ITPR2: variants seen among roughly 807,000 people sequenced by gnomAD.
The protein encoded by ITPR2 is inositol 1,4,5-trisphosphate receptor type 2.
Under a neutral mutation model 317.1 loss-of-function variants are expected in ITPR2, and 207 were observed. That is an observed-to-expected ratio of 0.65 (90% CI 0.58 to 0.73). ITPR2 has a LOEUF of 0.73. Ranked by LOEUF, ITPR2 falls within the 30% of genes least tolerant of loss-of-function variation. The pLI, the probability that ITPR2 is intolerant of heterozygous loss-of-function variation, is 0.00. For missense variants in ITPR2, 2,613 were observed against 3,284.0 expected (o/e 0.80, Z 4.99); for synonymous variants, 1,156 against 1,149.1 (o/e 1.01, Z -0.12).
intron 43 of ITPR2, among the ~76,000 whole-genome samples, chr12:26,480,109 T>C (rs149315156): frequency 2.6e-5 from 4 of 152,374 alleles, no homozygotes; most frequent in Admixed American, 2.0e-4. Flanking sequence ...TAGTCTTGGA[T>C]AGACAGGGCT....
At chr12:26,656,641 G>A in intron 18 of ITPR2, 93 bp from the exon 19 acceptor site, 1 of 1,274,580 alleles carries the variant, frequency 7.8e-7, no homozygotes, top group Non-Finnish European at 1.1e-6. Flanking sequence ...TAAGACACCT[G>A]TATTTCCAAG....
intron 51 of ITPR2, among the ~76,000 whole-genome samples, chr12:26,412,006 T>C (rs1287637833): frequency 2.0e-5 from 3 of 152,188 alleles, no homozygotes; most frequent in Non-Finnish European, 4.4e-5. Flanking sequence ...GAATAGAAAA[T>C]AGTAACCCTC....
rs1945822977 is a variant in ITPR2 at position 26,595,564 on chromosome 12, A to T, written c.4281T>A (p.Val1427=). 6.3e-7 allele frequency: 1 copy of T among 1,590,868 alleles called. No homozygotes were observed. Among genetic ancestry groups the T allele is most frequent in the Non-Finnish European group, 8.5e-7 (1 of 1,173,248 alleles). The stretch of plus-strand genomic sequence containing the variant: ...CTTCAGTGTCAACATAACAGTGATT[A>T]ACAAAGTTCACATAAGCAATTTTAA... The part of the protein sequence containing the change: ...PEVKIAYVNF[V]NHCYVDTEVE... Residue 1427 remains valine (V), a synonymous_variant, in exon 32 of 57, where the codon GTT becomes GTA. Coordinates refer to ENST00000381340, the MANE Select transcript of ITPR2 (RefSeq NM_002223.4).
intron 55 of ITPR2, among the ~76,000 whole-genome samples, chr12:26,376,994 G>A (rs547162819): frequency 2.7e-4 from 41 of 152,288 alleles, no homozygotes; most frequent in African/African-American, 8.9e-4. Flanking sequence ...CTCCCAAAGT[G>A]CTGGGATTAC....
In ITPR2 at chr12:26,366,374, T is replaced by C. The variant is rs527752458; in HGVS notation, c.7857+21060A>G. ...AGTTTGATATTTTGATGTGTATAGT[T>C]ATCTGTTTTCCAGAAAGTAGCTTCA... is the stretch of plus-strand genomic sequence containing the variant. On this transcript the variant is annotated intron_variant, in intron 55 of 56. Transcript: ENST00000381340. Among the ~76,000 whole-genome samples, 5 of 152,356 alleles carry C rather than the reference T, an allele frequency of 3.3e-5. No homozygotes were observed. In the East Asian group the frequency reaches 9.6e-4, roughly 29 times the overall value.
intron 25 of ITPR2, 151 bp downstream of exon 25, chr12:26,622,089 T>C (rs1565646819): frequency 3.6e-6 from 2 of 560,972 alleles, no homozygotes; most frequent in Non-Finnish European, 5.8e-6. Context: ...CGTCCTGGCA[T>C]AGACAAGGCC....
At chr12:26,583,289 A>G (rs527530364) in intron 32 of ITPR2, among the ~76,000 whole-genome samples, 3 of 152,244 alleles carry the variant, frequency 2.0e-5, no homozygotes, top group East Asian at 1.9e-4. Flanking sequence ...ATCTTCTGTC[A>G]TACACCAACA....
chr12:26,539,069 T>C lies in ITPR2; in HGVS notation c.5073+11178A>G, dbSNP rs146351961. On this transcript the variant is annotated intron_variant, in intron 37 of 56. Transcript: ENST00000381340. ...TTAAATAATAACAACAATAATAGTGTGGTTTTGGTGCCTCATATACCAGGT... is the reference window on the plus strand; with the variant it reads ...TTAAATAATAACAACAATAATAGTGCGGTTTTGGTGCCTCATATACCAGGT... Among the ~76,000 whole-genome samples the C allele has an allele frequency of 1.8e-3, 271 of 152,322 alleles. 2 individuals carry two copies. The highest frequency in any genetic ancestry group is 3.2e-3 in the Non-Finnish European group (221 of 68,030).
chr12:26,815,740 T>C (rs530093151), intron 1 of ITPR2, among the ~76,000 whole-genome samples: 1 of 151,940 alleles, frequency 6.6e-6, no homozygotes, highest in East Asian at 1.9e-4. Flanking sequence ...AAAACCAAAA[T>C]AAATAATAGA....
intron 55 of ITPR2, among the ~76,000 whole-genome samples, chr12:26,378,872 T>C (rs567728911): frequency 1.3e-5 from 2 of 152,302 alleles, no homozygotes; most frequent in African/African-American, 4.8e-5. Flanking sequence ...CCTATTTGAA[T>C]TCCTCTCAGG....
intron 2 of ITPR2, among the ~76,000 whole-genome samples, chr12:26,755,075 A>G (rs1949496295): frequency 6.6e-6 from 1 of 152,216 alleles, no homozygotes; most frequent in Admixed American, 6.5e-5. Flanking sequence ...TGTTTTTGGT[A>G]TATGTTCCAA....
chr12:26,790,725 A>G (rs1399895183), intron 1 of ITPR2, among the ~76,000 whole-genome samples: 1 of 152,000 alleles, frequency 6.6e-6, no homozygotes, highest in African/African-American at 2.4e-5. Context: ...GTGTGTATGT[A>G]TGTTTTACAG....
chr12:26,348,066 A>G (rs1291679459), intron 55 of ITPR2, among the ~76,000 whole-genome samples: 1 of 152,180 alleles, frequency 6.6e-6, no homozygotes, highest in Non-Finnish European at 1.5e-5. Context: ...TTTATACTGC[A>G]TTTTCCATTC....
At chr12:26,518,852 A>T (rs1042597709) in intron 37 of ITPR2, among the ~76,000 whole-genome samples, 19 of 152,176 alleles carry the variant, frequency 1.2e-4, no homozygotes, top group Admixed American at 9.8e-4. Context: ...GGAAATAACT[A>T]AAGAAACAGA....
chr12:26,556,120 C>A (rs967696429), intron 36 of ITPR2, 113 bp downstream of exon 36: 10 of 910,608 alleles, frequency 1.1e-5, no homozygotes, highest in East Asian at 2.7e-5. Context: ...GGATTTTAGA[C>A]CTTTCGCATA....
intron 48 of ITPR2, among the ~76,000 whole-genome samples, chr12:26,433,322 G>GTCTGCA (rs1941265830): frequency 6.6e-6 from 1 of 152,092 alleles, no homozygotes; most frequent in Non-Finnish European, 1.5e-5. Flanking sequence ...CAGAAGTAAA[G>GTCTGCA]TCTGCATCTG....
intron 45 of ITPR2, among the ~76,000 whole-genome samples, chr12:26,448,030 C>G (rs1368227710): frequency 6.8e-6 from 1 of 146,822 alleles, no homozygotes; most frequent in Non-Finnish European, 1.5e-5. Flanking sequence ...GCATCCAAAG[C>G]AGCAATCACA....
chr12:26,445,235 C>T (rs889150778), intron 45 of ITPR2, among the ~76,000 whole-genome samples: 4 of 152,230 alleles, frequency 2.6e-5, no homozygotes, highest in African/African-American at 9.6e-5. Context: ...AGGAGGAGTA[C>T]ATTTAGCAGG....
intron 5 of ITPR2, among the ~76,000 whole-genome samples, chr12:26,718,893 C>G (rs1403982455): frequency 6.6e-6 from 1 of 152,068 alleles, no homozygotes; most frequent in Non-Finnish European, 1.5e-5. Context: ...TAGGCGTGAA[C>G]CACTGTGCCC....
Sources: gnomAD v4.1 joint callset for allele counts (sites outside exome capture counted in the v4.1 genomes callset) on GRCh38, gnomAD v4.1.1 for gene constraint, MANE v1.5 for transcripts, NCBI Gene and HGNC (gene_info 2026-07-23, HGNC 2026-07-21) for gene names.